The following SLC12A5 variants were observed in gnomAD, a reference collection of about 807,000 sequenced individuals.
SLC12A5 encodes solute carrier family 12 member 5.
A neutral mutation model predicts 124.0 loss-of-function variants in SLC12A5; 18 were observed. The observed-to-expected ratio is 0.15, with a 90% CI of 0.10 to 0.22. SLC12A5 has a LOEUF of 0.22. SLC12A5 is among the 10% of genes least tolerant of loss of function. SLC12A5 has a pLI of 1.00. For missense variants in SLC12A5, 867 were observed against 1,478.7 expected (o/e 0.59, Z 6.78); for synonymous variants, 589 against 568.0 (o/e 1.04, Z -0.53).
At position 46,022,943 on chromosome 20, in the gene SLC12A5, G is replaced by GGA; in HGVS notation, c.63_64insAG (p.Gly22GlufsTer57). On this transcript the variant is annotated frameshift_variant, in exon 2 of 3. Coordinates refer to the SLC12A5 transcript ENST00000413737. LOFTEE classifies it high-confidence loss of function. ...ATCGGCTTGTAGTGGCCCCAGCGAG[G>GGA]GGAGGAGGAGGAGGAGGAGGAGGAG... 1 of 363,402 alleles carries GGA rather than the reference G, an allele frequency of 2.8e-6. No individual in the cohort carries two copies. 22.5% of individuals were successfully genotyped at this position (363,402 alleles called of 1,614,324 possible).
chr20:46,055,104 A>T (rs1450471941), intron 21 of SLC12A5, 81 bp downstream of exon 21: 1 of 966,790 alleles, frequency 1.0e-6, no homozygotes, highest in African/African-American at 1.6e-5. Context: ...CTCAGGGCTG[A>T]CACTCCTGGC....
rs1338126426 is a variant in SLC12A5 at position 46,057,775 on chromosome 20, A to G, written c.*170A>G. ...CACGCCTGTTGGGGCTGATTCGGAG[A>G]GGGCGCCCCGCCGCGCAGAGACCAG... On this transcript the variant is annotated 3_prime_UTR_variant, in exon 26 of 26. Transcript: ENST00000243964. This position sits in a 1 kb window ranked among gnomAD's most constrained non-coding sequence, Gnocchi z 7.1. 3.4e-6 allele frequency: 2 copies of G among 583,480 alleles called. No homozygotes were observed. The highest frequency in any genetic ancestry group is 7.1e-5 in the Admixed American group (2 of 28,024). 36.1% of individuals were successfully genotyped at this position (583,480 alleles called of 1,614,324 possible). A position where few individuals can be genotyped will look rare whatever the true frequency, so the allele number is the denominator to read the frequency against.
upstream of SLC12A5, among the ~76,000 whole-genome samples, chr20:46,026,806 G>A (rs553927288): frequency 2.6e-5 from 4 of 152,282 alleles, no homozygotes; most frequent in East Asian, 7.7e-4. Flanking sequence ...ATCTCAGATG[G>A]CTCTTGAGAT....
intron 1 of SLC12A5, chr20:46,022,069 A>G (rs2084360497): frequency 2.0e-6 from 1 of 496,210 alleles, no homozygotes; most frequent in East Asian, 9.8e-5. Flanking sequence ...CGGAACGCAA[A>G]GTGTGGAGGG....
intron 6 of SLC12A5, among the ~76,000 whole-genome samples, 156 bp from the exon 7 acceptor site, chr20:46,040,217 C>T (rs1262163776): frequency 6.6e-6 from 1 of 152,220 alleles, no homozygotes; most frequent in African/African-American, 2.4e-5. Flanking sequence ...CAGGACAGGC[C>T]ATGCCTTCTT....
chr20:46,034,777 G>A (rs2084482381), intron 1 of SLC12A5, 171 bp from the exon 2 acceptor site: 2 of 641,968 alleles, frequency 3.1e-6, no homozygotes, highest in Non-Finnish European at 5.7e-6. Context: ...TAGTGCATTA[G>A]GCTCTGTATA....
At chr20:46,049,464 G>A (rs1334647787) in intron 16 of SLC12A5, among the ~76,000 whole-genome samples, 158 bp from the exon 17 acceptor site, 1 of 152,148 alleles carries the variant, frequency 6.6e-6, no homozygotes, top group Non-Finnish European at 1.5e-5. Flanking sequence ...TGGAGAAATG[G>A]GTTGATGGGT....
At chr20:46,049,560 G>A in intron 16 of SLC12A5, 62 bp from the exon 17 acceptor site, 2 of 1,548,242 alleles carry the variant, frequency 1.3e-6, no homozygotes, top group Non-Finnish European at 1.7e-6. Context: ...GGTGGTGGGT[G>A]TATGGTGTGT....
chr20:46,049,379 T>C (rs576085387), intron 16 of SLC12A5, among the ~76,000 whole-genome samples: 2 of 152,194 alleles, frequency 1.3e-5, no homozygotes, highest in Non-Finnish European at 2.9e-5. Context: ...TAAAGAAATA[T>C]GCATATGAGT....
chr20:46,047,636 G>A, intron 15 of SLC12A5, 63 bp downstream of exon 15: 1 of 1,582,564 alleles, frequency 6.3e-7, no homozygotes. Context: ...GGAAGGAGAG[G>A]GAAGGGGTCA....
intron 1 of SLC12A5, chr20:46,022,045 A>G (rs1044840586): frequency 9.6e-6 from 7 of 729,336 alleles, no homozygotes; most frequent in East Asian, 5.6e-5. Context: ...TAGGAAACCA[A>G]GGGGCCGGGG....
intron 15 of SLC12A5, among the ~76,000 whole-genome samples, chr20:46,047,776 C>G (rs922541368): frequency 6.6e-6 from 1 of 151,982 alleles, no homozygotes; most frequent in Non-Finnish European, 1.5e-5. Context: ...GAGAAATGGA[C>G]AGGAATGGTG....
chr20:46,041,200 A>T (rs187804011), intron 7 of SLC12A5, 129 bp from the exon 8 acceptor site: 3 of 752,050 alleles, frequency 4.0e-6, no homozygotes, highest in Non-Finnish European at 4.3e-6. Context: ...GCTTCATTTA[A>T]ATTAAACGAG....
Position 46,041,321 on chromosome 20 carries a change from C to T in SLC12A5, c.855-8C>T. 2 of 1,613,596 alleles carry T rather than the reference C, an allele frequency of 1.2e-6. No homozygotes were observed. Among genetic ancestry groups the T allele is most frequent in the Non-Finnish European group, 1.7e-6 (2 of 1,179,726 alleles). On this transcript the variant is annotated splice_region_variant and splice_polypyrimidine_tract_variant and intron_variant, in intron 7 of 25. Coordinates refer to ENST00000243964, the MANE Select transcript of SLC12A5 (RefSeq NM_020708.5). ...CTCCCCACCTTCCTCCCTTGTTTCT[C>T]TCCCTAGGATCTGCCTCCTGGGTAA... is the stretch of plus-strand genomic sequence containing the variant.
In SLC12A5 at chr20:46,056,252, G is replaced by A. The variant is rs1159811344; in HGVS notation, c.2890G>A (p.Glu964Lys). Reference sequence around the variant, plus strand: ...CCCAGAAGAGACGGCTGGTGACAGTGAAGAGAAGCCAGAGGAGGAGGTGTG... The same window carrying A: ...CCCAGAAGAGACGGCTGGTGACAGTAAAGAGAAGCCAGAGGAGGAGGTGTG... ...NVPEETAGDS[E>K]EKPEEEVQLI... Residue 964 changes from glutamate (E) to lysine (K), a missense_variant, in exon 22 of 26, where the codon GAA (glutamate) becomes AAA (lysine). By Grantham distance (56) the Glu-to-Lys change is moderately conservative. Around this residue, in one of 9 missense-constraint regions of SLC12A5, gnomAD observed 180 missense variants for 243.6 expected, o/e 0.74. Transcript: ENST00000243964. This position sits in a 1 kb window ranked among gnomAD's most constrained non-coding sequence, Gnocchi z 4.3. The A allele has an allele frequency of 1.2e-6, 2 of 1,614,190 alleles. No individual in the cohort carries two copies. The highest frequency in any genetic ancestry group is 3.3e-4 in the Middle Eastern group (2 of 6,060).
rs777826462 is a variant in SLC12A5 at position 46,035,941 on chromosome 20, C to A, written c.426+18C>A. On this transcript the variant is annotated intron_variant, in intron 4 of 25. Coordinates refer to ENST00000243964, the MANE Select transcript of SLC12A5 (RefSeq NM_020708.5). ...GCTCCTGTGTGAGTGACACCCCTCC[C>A]CTCACCACCCCCTGACAGCTGGGGC... 5 of 1,596,984 alleles carry A rather than the reference C, an allele frequency of 3.1e-6. No individual in the cohort carries two copies. Among genetic ancestry groups the A allele is most frequent in the Non-Finnish European group, 4.3e-6 (5 of 1,167,346 alleles).
upstream of SLC12A5, chr20:46,029,080 C>T (rs1255349230): frequency 7.0e-6 from 9 of 1,288,744 alleles, no homozygotes; most frequent in Non-Finnish European, 8.9e-6. Context: ...CCCTCCCGCT[C>T]TCCCCCCAAA....
chr20:46,056,667 C>T lies in SLC12A5; in HGVS notation c.3110+103C>T. ...GAAGGCATCCTGGTCTGTCAGCCTG[C>T]AGACCCAGCTCAGACATTGTCTTGG... On this transcript the variant is annotated intron_variant, in intron 23 of 25. Coordinates refer to ENST00000243964, the MANE Select transcript of SLC12A5 (RefSeq NM_020708.5). The surrounding 1 kb of genome is among the most constrained non-coding windows in gnomAD (Gnocchi z 4.3). 1 of 1,290,908 alleles carries T rather than the reference C, an allele frequency of 7.7e-7. No homozygotes were observed. 80.0% of individuals were successfully genotyped at this position (1,290,908 alleles called of 1,614,324 possible).
intron 3 of SLC12A5, 90 bp from the exon 4 acceptor site, chr20:46,035,687 A>G: frequency 1.3e-6 from 2 of 1,507,224 alleles, no homozygotes; most frequent in Non-Finnish European, 9.0e-7. Flanking sequence ...GAGAAGAGGA[A>G]GGTGGGGGCA....
Sources: allele counts gnomAD v4.1 joint callset (sites outside exome capture counted in the v4.1 genomes callset), GRCh38; gene constraint gnomAD v4.1.1; regional missense constraint gnomAD v4.1.1; non-coding constraint Gnocchi (gnomAD v3.1); transcripts MANE v1.5; gene names NCBI Gene and HGNC (gene_info 2026-07-23, HGNC 2026-07-21).